AKAP6: variants seen among roughly 807,000 people sequenced by gnomAD.
AKAP6 encodes the protein A-kinase anchoring protein 6.
A neutral mutation model predicts 188.5 loss-of-function variants in AKAP6; 58 were observed. That is an observed-to-expected ratio of 0.31 (90% CI 0.25 to 0.38). AKAP6 has a LOEUF of 0.38. AKAP6 is among the 10% of genes least tolerant of loss of function. The probability of loss-of-function intolerance (pLI) is 1.00; values close to 1 mark genes in which losing one functional copy is unlikely to be tolerated. For synonymous variants in AKAP6, 989 were observed against 998.6 expected (o/e 0.99, Z 0.18); for missense variants, 2,710 against 2,740.0 (o/e 0.99, Z 0.24).
intron 8 of AKAP6, among the ~76,000 whole-genome samples, chr14:32,683,130 A>G (rs1889763555): frequency 6.6e-6 from 1 of 151,744 alleles, no homozygotes; most frequent in Non-Finnish European, 1.5e-5. Flanking sequence ...AGTGTCTGGG[A>G]TTACAGGTGC....
At chr14:32,707,567 C>T (rs980417261) in intron 9 of AKAP6, among the ~76,000 whole-genome samples, 2 of 152,020 alleles carry the variant, frequency 1.3e-5, no homozygotes, top group East Asian at 1.9e-4. Context: ...TCACACTCCA[C>T]GTGGAGGATT....
intron 9 of AKAP6, among the ~76,000 whole-genome samples, chr14:32,718,705 A>C (rs2030364894): frequency 6.6e-6 from 1 of 152,158 alleles, no homozygotes. Context: ...CCTGTATTGG[A>C]TGTTTCACCA....
At chr14:32,696,808 A>T (rs1287251630) in intron 9 of AKAP6, among the ~76,000 whole-genome samples, 1 of 151,824 alleles carries the variant, frequency 6.6e-6, no homozygotes. Context: ...AAAAAAAAAA[A>T]TGGTTGCAGG....
At chr14:32,354,348 C>G (rs145423078) in intron 1 of AKAP6, among the ~76,000 whole-genome samples, 2 of 151,558 alleles carry the variant, frequency 1.3e-5, no homozygotes, top group Non-Finnish European at 1.5e-5. Flanking sequence ...GTTCCCTGCT[C>G]TGCCACTATA....
At chr14:32,735,586 GT>G in intron 10 of AKAP6, 71 bp from the exon 11 acceptor site, 5 of 1,206,006 alleles carry the variant, frequency 4.1e-6, no homozygotes, top group Admixed American at 2.7e-5. Context: ...CTATGTTTTT[GT>G]TTTTTTGTTG....
intron 1 of AKAP6, among the ~76,000 whole-genome samples, chr14:32,362,276 C>G (rs1383809992): frequency 6.6e-6 from 1 of 152,186 alleles, no homozygotes; most frequent in East Asian, 1.9e-4. Flanking sequence ...TATGTCAGTA[C>G]TACATGACTT....
At chr14:32,752,150 G>A (rs1022376764) in intron 11 of AKAP6, among the ~76,000 whole-genome samples, 11 of 152,300 alleles carry the variant, frequency 7.2e-5, no homozygotes, top group African/African-American at 2.6e-4. Context: ...AAGGGAAATT[G>A]TAGATTTTCT....
chr14:32,568,672 G>A lies in AKAP6; in HGVS notation c.2347-8448G>A, dbSNP rs113559854. On this transcript the variant is annotated intron_variant, in intron 4 of 13. Coordinates refer to ENST00000280979, the MANE Select transcript of AKAP6 (RefSeq NM_004274.5). This position sits in a 1 kb window ranked among gnomAD's most constrained non-coding sequence, Gnocchi z 6.2. ...GGGGCAGTCATACTACCTGAATGAG[G>A]GGTCCCCAGCTTCATACCTGACAAT... Among the ~76,000 whole-genome samples the A allele has an allele frequency of 5.2e-3, 797 of 152,170 alleles. 6 individuals are homozygous for A. The highest frequency in any genetic ancestry group is 0.018 in the African/African-American group (763 of 41,520).
intron 11 of AKAP6, among the ~76,000 whole-genome samples, chr14:32,741,519 G>T (rs1367871687): frequency 2.0e-5 from 3 of 151,720 alleles, no homozygotes; most frequent in Non-Finnish European, 1.5e-5. Context: ...CTTTTATTAT[G>T]TTGAGATATG....
intron 11 of AKAP6, among the ~76,000 whole-genome samples, chr14:32,771,186 A>G (rs947982461): frequency 6.6e-6 from 1 of 152,140 alleles, no homozygotes; most frequent in Non-Finnish European, 1.5e-5. Flanking sequence ...TTTATTAATT[A>G]TATCTTCTAG....
chr14:32,759,390 T>G (rs2032459047), intron 11 of AKAP6, among the ~76,000 whole-genome samples: 1 of 152,172 alleles, frequency 6.6e-6, no homozygotes, highest in Admixed American at 6.5e-5. Flanking sequence ...ATATCCTTCT[T>G]TATTTTTCTT....
intron 7 of AKAP6, among the ~76,000 whole-genome samples, chr14:32,648,860 T>C (rs1471737174): frequency 6.6e-6 from 1 of 152,086 alleles, no homozygotes; most frequent in Non-Finnish European, 1.5e-5. Context: ...GTACCTCTAC[T>C]GAAAAAGCAA....
intron 5 of AKAP6, among the ~76,000 whole-genome samples, chr14:32,583,575 G>C (rs1885083699): frequency 6.6e-6 from 1 of 152,238 alleles, no homozygotes; most frequent in African/African-American, 2.4e-5. Context: ...CCTGCCCCCA[G>C]AGGTGGAGCC....
intron 7 of AKAP6, among the ~76,000 whole-genome samples, chr14:32,635,370 T>C (rs530532579): frequency 5.9e-5 from 9 of 152,154 alleles, no homozygotes; most frequent in African/African-American, 2.2e-4. Flanking sequence ...ACAAAATAAG[T>C]AACTGGGGCT....
intron 11 of AKAP6, among the ~76,000 whole-genome samples, chr14:32,745,546 C>G (rs1463350605): frequency 2.0e-5 from 3 of 151,104 alleles, no homozygotes; most frequent in Non-Finnish European, 4.4e-5. Flanking sequence ...TTATGAGCCA[C>G]CTAAAGCTGG....
chr14:32,708,172 G>A (rs879436938), intron 9 of AKAP6, among the ~76,000 whole-genome samples: 1 of 152,116 alleles, frequency 6.6e-6, no homozygotes, highest in South Asian at 2.1e-4. Context: ...AATATCAACA[G>A]TAATTAGAAA....
intron 11 of AKAP6, among the ~76,000 whole-genome samples, chr14:32,742,893 A>G (rs781246468): frequency 2.6e-5 from 4 of 152,152 alleles, no homozygotes; most frequent in Admixed American, 1.3e-4. Flanking sequence ...CATTTGGTCT[A>G]TAGTGCAGGC....
intron 2 of AKAP6, among the ~76,000 whole-genome samples, chr14:32,467,223 A>C (rs59476657): frequency 0.037 from 2,407 of 65,488 alleles, 76 homozygotes; most frequent in African/African-American, 0.077. Context: ...AAAAAAAAAC[A>C]AAAACAAAAA....
intron 2 of AKAP6, among the ~76,000 whole-genome samples, chr14:32,434,949 G>T (rs1477771460): frequency 6.6e-6 from 1 of 152,160 alleles, no homozygotes; most frequent in Admixed American, 6.5e-5. Context: ...TCTAGTGTCT[G>T]ATTTCTACAG....
Sources: gnomAD v4.1 joint callset for allele counts (sites outside exome capture counted in the v4.1 genomes callset) on GRCh38, gnomAD v4.1.1 for gene constraint, Gnocchi (gnomAD v3.1) non-coding constraint, MANE v1.5 for transcripts, NCBI Gene and HGNC (gene_info 2026-07-23, HGNC 2026-07-21) for gene names.